Variants in IMPG2 observed in about 807,000 individuals in gnomAD.
The protein encoded by IMPG2 is interphotoreceptor matrix proteoglycan 2, also known as IPM 200.
IMPG2 carries 91 observed loss-of-function variants against 129.2 expected under a neutral mutation model. The observed-to-expected ratio is 0.70, with a 90% confidence interval of 0.59 to 0.84. IMPG2 has a LOEUF of 0.84. Ranked by LOEUF, IMPG2 falls within the 40% of genes least tolerant of loss-of-function variation. The pLI, the probability that IMPG2 is intolerant of heterozygous loss-of-function variation, is 0.00. For synonymous variants in IMPG2, 510 were observed against 517.7 expected (o/e 0.99, Z 0.20); for missense variants, 1,430 against 1,461.7 (o/e 0.98, Z 0.35).
chr3:101,250,536 T>G (rs1253775334), intron 11 of IMPG2, among the ~76,000 whole-genome samples: 1 of 152,032 alleles, frequency 6.6e-6, no homozygotes, highest in Non-Finnish European at 1.5e-5. Flanking sequence ...ATCATAGAAG[T>G]GAAATGCTCA....
At chr3:101,301,137 A>G (rs1051498073) in intron 3 of IMPG2, among the ~76,000 whole-genome samples, 18 of 152,350 alleles carry the variant, frequency 1.2e-4, no homozygotes, top group African/African-American at 4.3e-4. Flanking sequence ...ACATTTATCA[A>G]TTAAGCTTGT....
At chr3:101,307,430 C>T (rs1156713633) in intron 2 of IMPG2, among the ~76,000 whole-genome samples, 1 of 152,204 alleles carries the variant, frequency 6.6e-6, no homozygotes, top group Non-Finnish European at 1.5e-5. Context: ...ATTTAACTGA[C>T]TCACAGTTCC....
chr3:101,255,280 T>C lies in IMPG2; in HGVS notation c.1154-1499A>G, dbSNP rs182396102. Among the ~76,000 whole-genome samples the C allele has an allele frequency of 9.4e-4, 143 of 152,218 alleles. 2 individuals are homozygous for C. Among genetic ancestry groups the C allele is most frequent in the Non-Finnish European group, 2.2e-4 (15 of 67,978 alleles). The stretch of plus-strand genomic sequence containing the variant: ...ATTTTAGGGACAAAATTCTGAGTAA[T>C]TGAAATATATGTCTAATGAAAGCCC... On this transcript the variant is annotated intron_variant, in intron 10 of 18. Coordinates refer to ENST00000193391, the MANE Select transcript of IMPG2 (RefSeq NM_016247.4).
At chr3:101,231,228 G>C in intron 15 of IMPG2, 83 bp from the exon 16 acceptor site, 1 of 1,258,290 alleles carries the variant, frequency 7.9e-7, no homozygotes, top group Middle Eastern at 2.5e-4. Context: ...TGAGGGACTA[G>C]AGGAAAGTAG....
intron 7 of IMPG2, among the ~76,000 whole-genome samples, chr3:101,272,197 G>C (rs1388695953): frequency 6.6e-6 from 1 of 152,062 alleles, no homozygotes. Context: ...CTTTCTCCCT[G>C]TGTGTCTTCC....
At chr3:101,247,121 A>G (rs985123465) in intron 11 of IMPG2, among the ~76,000 whole-genome samples, 12 of 152,204 alleles carry the variant, frequency 7.9e-5, no homozygotes, top group African/African-American at 2.9e-4. Context: ...ATGTTTAACA[A>G]TAATGCTAAG....
Position 101,224,930 on chromosome 3 carries a change from C to A in IMPG2, c.*2039G>T, listed in dbSNP as rs1706205146. On this transcript the variant is annotated 3_prime_UTR_variant, in exon 19 of 19. Coordinates refer to ENST00000193391, the MANE Select transcript of IMPG2 (RefSeq NM_016247.4). Reference sequence around the variant, plus strand: ...CTGCTTAGTTTGTGGAAAACAACAACCCTCCTCTGGCTCAGTTCGTGCTTC... The same window carrying A: ...CTGCTTAGTTTGTGGAAAACAACAAACCTCCTCTGGCTCAGTTCGTGCTTC... The A allele has an allele frequency of 6.6e-6, 1 of 152,198 alleles. No homozygotes were observed. Among genetic ancestry groups the A allele is most frequent in the African/African-American group, 2.4e-5 (1 of 41,454 alleles). 9.4% of individuals were successfully genotyped at this position (152,198 alleles called of 1,614,324 possible). A position where few individuals can be genotyped will look rare whatever the true frequency, so the allele number is the denominator to read the frequency against.
Position 101,260,106 on chromosome 3 carries a change from C to T in IMPG2, c.909-2333G>A, listed in dbSNP as rs116162967. Reference sequence around the variant, plus strand: ...TGGCCTACATGGCACAGATCACACACCCTGGACTGCAGGGAAAGCCATAAA... The same window carrying T: ...TGGCCTACATGGCACAGATCACACATCCTGGACTGCAGGGAAAGCCATAAA... On this transcript the variant is annotated intron_variant, in intron 9 of 18. Transcript: ENST00000193391. Among the ~76,000 whole-genome samples, 859 of 152,218 alleles carry T rather than the reference C, an allele frequency of 5.6e-3. 10 individuals are homozygous for T. The highest frequency in any genetic ancestry group is 0.02 in the African/African-American group (828 of 41,538).
intron 2 of IMPG2, among the ~76,000 whole-genome samples, chr3:101,317,426 GA>G (rs2058791410): frequency 6.6e-6 from 1 of 151,996 alleles, no homozygotes; most frequent in Non-Finnish European, 1.5e-5. Context: ...CTCTATGAAG[GA>G]AAAATTGAGC....
In IMPG2 at chr3:101,223,043, AT is replaced by A. The variant is rs1192701778; in HGVS notation, c.*3925del. 2 of 152,204 alleles carry A rather than the reference AT, an allele frequency of 1.3e-5. No homozygotes were observed. The highest frequency in any genetic ancestry group is 2.4e-5 in the African/African-American group (1 of 41,452). The allele number at this position is 152,204 out of a possible 1,614,324, so 9.4% of individuals were successfully genotyped here. On this transcript the variant is annotated 3_prime_UTR_variant, in exon 19 of 19. Coordinates refer to ENST00000193391, the MANE Select transcript of IMPG2 (RefSeq NM_016247.4). Reference sequence around the variant, plus strand: ...AGGGGAGTGGTTTAACCTGTCTCTTATTAACTCATAGCAGTAATGTAAGGTT... The same window carrying A: ...AGGGGAGTGGTTTAACCTGTCTCTTATAACTCATAGCAGTAATGTAAGGTT...
chr3:101,296,333 T>C (rs963972923), intron 3 of IMPG2, among the ~76,000 whole-genome samples: 1 of 152,230 alleles, frequency 6.6e-6, no homozygotes, highest in Non-Finnish European at 1.5e-5. Flanking sequence ...ATGTGGTTTT[T>C]GTCATTGGTT....
At chr3:101,270,293 G>T (rs1364551536) in intron 7 of IMPG2, among the ~76,000 whole-genome samples, 1 of 152,090 alleles carries the variant, frequency 6.6e-6, no homozygotes, top group African/African-American at 2.4e-5. Context: ...ACAGTCTAGT[G>T]TTTGTTTTCT....
chr3:101,232,121 T>C (rs1706294094), intron 15 of IMPG2, among the ~76,000 whole-genome samples: 1 of 152,208 alleles, frequency 6.6e-6, no homozygotes, highest in Non-Finnish European at 1.5e-5. Context: ...GAACGTGATC[T>C]TATGCCTAAA....
chr3:101,267,686 A>C (rs1036771308), intron 8 of IMPG2, among the ~76,000 whole-genome samples, 155 bp from the exon 9 acceptor site: 5 of 152,226 alleles, frequency 3.3e-5, no homozygotes, highest in African/African-American at 1.2e-4. Flanking sequence ...GATTGAAGGA[A>C]GTGAGCAAAG....
chr3:101,305,616 C>G (rs1707181429), intron 2 of IMPG2, among the ~76,000 whole-genome samples: 1 of 152,018 alleles, frequency 6.6e-6, no homozygotes. Context: ...ACACACTGCT[C>G]AATTTTTCTG....
At chr3:101,280,692 T>A (rs1354847854) in intron 4 of IMPG2, among the ~76,000 whole-genome samples, 5 of 152,116 alleles carry the variant, frequency 3.3e-5, no homozygotes, top group African/African-American at 1.2e-4. Flanking sequence ...ATGCCTGTAA[T>A]CACAGCACTT....
intron 12 of IMPG2, among the ~76,000 whole-genome samples, chr3:101,245,058 A>G (rs1706461593): frequency 6.6e-6 from 1 of 151,996 alleles, no homozygotes; most frequent in South Asian, 2.1e-4. Context: ...TTTTAATTCC[A>G]CGAAAATAAA....
chr3:101,303,469 AGAG>A (rs1707158654), intron 3 of IMPG2, among the ~76,000 whole-genome samples: 1 of 152,234 alleles, frequency 6.6e-6, no homozygotes, highest in Non-Finnish European at 1.5e-5. Flanking sequence ...ATGAGGACAC[AGAG>A]GAACTGAATA....
chr3:101,288,272 A>T (rs1202173863), intron 4 of IMPG2, among the ~76,000 whole-genome samples: 3 of 152,186 alleles, frequency 2.0e-5, no homozygotes, highest in Non-Finnish European at 4.4e-5. Flanking sequence ...ATGCTTATAT[A>T]CTATTAGTAG....
Sources: allele counts gnomAD v4.1 joint callset (sites outside exome capture counted in the v4.1 genomes callset), GRCh38; gene constraint gnomAD v4.1.1; transcripts MANE v1.5; gene names NCBI Gene and HGNC (gene_info 2026-07-23, HGNC 2026-07-21).